Variants in SNX30 observed in about 807,000 individuals in gnomAD.
SNX30 encodes the protein sorting nexin family member 30, also known as sorting nexin-30.
Under a neutral mutation model 46.4 loss-of-function variants are expected in SNX30, and 24 were observed. That is an observed-to-expected ratio of 0.52 (90% CI 0.37 to 0.73). SNX30 has a LOEUF of 0.73. SNX30 is among the 30% of genes least tolerant of loss of function. The pLI is 0.00. For synonymous variants in SNX30, 189 were observed against 211.5 expected (o/e 0.89, Z 0.92); for missense variants, 533 against 555.7 (o/e 0.96, Z 0.41).
At position 112,838,699 on chromosome 9, in the gene SNX30, T is replaced by G; in HGVS notation, c.1014+2T>G. On this transcript the variant is annotated splice_donor_variant, in intron 6 of 8. Coordinates refer to ENST00000374232, the MANE Select transcript of SNX30 (RefSeq NM_001012994.2). LOFTEE classifies it high-confidence loss of function. ...ATTTTATACTCTGACTCCATGAAGG[T>G]AAGCTGGCTTGCTTCTTGTGTATTT... The G allele has an allele frequency of 6.2e-7, 1 of 1,613,384 alleles. No homozygotes were observed. The highest frequency in any genetic ancestry group is 8.5e-7 in the Non-Finnish European group (1 of 1,179,550).
intron 1 of SNX30, among the ~76,000 whole-genome samples, chr9:112,789,117 G>A (rs1272201037): frequency 1.3e-5 from 2 of 152,140 alleles, no homozygotes; most frequent in Non-Finnish European, 1.5e-5. Flanking sequence ...ATTTTAGGTC[G>A]AGTTGTGTTC....
At chr9:112,843,358 G>A (rs146961383) in intron 6 of SNX30, among the ~76,000 whole-genome samples, 3 of 152,272 alleles carry the variant, frequency 2.0e-5, no homozygotes, top group African/African-American at 7.2e-5. Flanking sequence ...GGGGTGGGGT[G>A]AGGGTCTGAA....
At chr9:112,851,248 C>A (rs1260580881) in intron 7 of SNX30, among the ~76,000 whole-genome samples, 3 of 152,168 alleles carry the variant, frequency 2.0e-5, no homozygotes, top group Non-Finnish European at 4.4e-5. Flanking sequence ...GAAAGAATAG[C>A]CTAAATCAGT....
chr9:112,868,852 C>T lies in SNX30; in HGVS notation c.*9C>T. The T allele has an allele frequency of 6.2e-7, 1 of 1,613,690 alleles. No homozygotes were observed. Among genetic ancestry groups the T allele is most frequent in the East Asian group, 2.2e-5 (1 of 44,866 alleles). On this transcript the variant is annotated 3_prime_UTR_variant, in exon 9 of 9. Coordinates refer to ENST00000374232, the MANE Select transcript of SNX30 (RefSeq NM_001012994.2). ...AACAAGAGGCCAAGTAAAGTTCTTTCTTGGGACGGAGACTCTTCTACCTAC... is the reference window on the plus strand; with the variant it reads ...AACAAGAGGCCAAGTAAAGTTCTTTTTTGGGACGGAGACTCTTCTACCTAC...
upstream of SNX30, chr9:112,750,477 G>A (rs1031157403): frequency 6.6e-6 from 1 of 152,308 alleles, no homozygotes; most frequent in African/African-American, 2.4e-5. Context: ...GGGTGGAACG[G>A]AACAGGCTCC....
chr9:112,820,147 A>T (rs1287510267), intron 3 of SNX30, among the ~76,000 whole-genome samples: 1 of 152,228 alleles, frequency 6.6e-6, no homozygotes, highest in Non-Finnish European at 1.5e-5. Flanking sequence ...CCCAAAGTGG[A>T]TCCAGAATAT....
intron 1 of SNX30, among the ~76,000 whole-genome samples, chr9:112,773,706 A>C (rs959101602): frequency 2.6e-5 from 4 of 152,240 alleles, no homozygotes; most frequent in African/African-American, 9.6e-5. Flanking sequence ...CTGCAGAAAG[A>C]GTACATAAAT....
intron 1 of SNX30, among the ~76,000 whole-genome samples, chr9:112,774,807 A>G (rs1270041636): frequency 6.8e-6 from 1 of 147,294 alleles, no homozygotes; most frequent in Non-Finnish European, 1.5e-5. Context: ...TTTGTTACTC[A>G]GTTCTATATA....
chr9:112,805,975 T>A (rs1294794561), intron 2 of SNX30, among the ~76,000 whole-genome samples: 1 of 152,256 alleles, frequency 6.6e-6, no homozygotes, highest in African/African-American at 2.4e-5. Context: ...ATAATTTTAA[T>A]GTATCATTTG....
chr9:112,850,858 G>A lies in SNX30; in HGVS notation c.1015-1G>A, dbSNP rs1841013017. ...ATGCTTCTCTCCTCTGCCTCCCACA[G>A]AGTGTATTGAAGAAGAGGGACCAAG... On this transcript the variant is annotated splice_acceptor_variant, in intron 6 of 8. Coordinates refer to ENST00000374232, the MANE Select transcript of SNX30 (RefSeq NM_001012994.2). LOFTEE classifies it high-confidence loss of function. The A allele has an allele frequency of 1.1e-5, 17 of 1,612,644 alleles. No homozygotes were observed. Among genetic ancestry groups the A allele is most frequent in the Non-Finnish European group, 1.4e-5 (17 of 1,178,976 alleles).
intron 1 of SNX30, among the ~76,000 whole-genome samples, chr9:112,774,844 C>CCTTTT (rs1839713736): frequency 7.8e-6 from 1 of 128,802 alleles, no homozygotes. Flanking sequence ...TATTTATATG[C>CCTTTT]TTTTTTTTTT....
chr9:112,751,351 A>G (rs1440867283), intron 1 of SNX30, among the ~76,000 whole-genome samples, 194 bp downstream of exon 1: 1 of 152,074 alleles, frequency 6.6e-6, no homozygotes, highest in Non-Finnish European at 1.5e-5. Flanking sequence ...CCGCAGAGGG[A>G]CAGGCTTCGC....
chr9:112,854,140 A>G (rs899111674), intron 7 of SNX30, among the ~76,000 whole-genome samples: 1 of 152,240 alleles, frequency 6.6e-6, no homozygotes, highest in Admixed American at 6.5e-5. Context: ...TTCCAAAGCC[A>G]GGAGCTGAAG....
At chr9:112,851,224 A>G (rs998129128) in intron 7 of SNX30, among the ~76,000 whole-genome samples, 3 of 152,220 alleles carry the variant, frequency 2.0e-5, no homozygotes, top group South Asian at 4.1e-4. Context: ...ATAAAATGGC[A>G]TTGCAGAGAG....
chr9:112,812,895 C>A (rs925105249), intron 2 of SNX30, among the ~76,000 whole-genome samples: 1 of 152,130 alleles, frequency 6.6e-6, no homozygotes, highest in African/African-American at 2.4e-5. Context: ...GCCTATAATC[C>A]CAGCACTTTG....
chr9:112,820,554 T>C (rs1840475394), intron 3 of SNX30, among the ~76,000 whole-genome samples: 1 of 152,218 alleles, frequency 6.6e-6, no homozygotes, highest in Non-Finnish European at 1.5e-5. Flanking sequence ...TTATATAACA[T>C]ATAATTCACC....
At chr9:112,884,521 T>C (rs1393016693), downstream of SNX30, among the ~76,000 whole-genome samples, 1 of 152,192 alleles carries the variant, frequency 6.6e-6, no homozygotes, top group East Asian at 1.9e-4. Flanking sequence ...CAATCTTGGT[T>C]GTACATTTGA....
Position 112,797,873 on chromosome 9 carries a change from A to ATT in SNX30, c.157-6884_157-6883dup, listed in dbSNP as rs55871515. Among the ~76,000 whole-genome samples, 542 of 121,936 alleles carry ATT rather than the reference A, an allele frequency of 4.4e-3. 5 individuals carry two copies. The highest frequency in any genetic ancestry group is 7.1e-3 in the East Asian group (30 of 4,222). The allele number at this position is 121,936 out of a possible 152,430, so 80.0% of individuals were successfully genotyped here. On this transcript the variant is annotated intron_variant, in intron 1 of 8. Transcript: ENST00000374232. ...GCCACCGTGCCCAGCTAATATTGGT[A>ATT]TTTTTTTTTTTTTTTTTTTTAGTAG...
At chr9:112,863,363 G>A (rs2147643) in intron 7 of SNX30, among the ~76,000 whole-genome samples, 148,741 of 152,330 alleles carry the variant, frequency 0.98, 72,657 homozygotes, top group East Asian at 1. Flanking sequence ...CTCCCTGGCC[G>A]CCATCAGGGC....
Sources: allele counts gnomAD v4.1 joint callset (sites outside exome capture counted in the v4.1 genomes callset), GRCh38; gene constraint gnomAD v4.1.1; transcripts MANE v1.5; gene names NCBI Gene and HGNC (gene_info 2026-07-23, HGNC 2026-07-21).